LIN7A: variants seen among roughly 807,000 people sequenced by gnomAD.
LIN7A encodes lin-7 cell polarity scaffold A.
Under a neutral mutation model 29.8 loss-of-function variants are expected in LIN7A, and 25 were observed. The observed-to-expected ratio is 0.84, with a 90% CI of 0.61 to 1.17. LIN7A has a LOEUF of 1.17. Among genes scored for constraint, LIN7A ranks in the 50% most tolerant of loss-of-function variants. LIN7A has a pLI of 0.00. For missense variants in LIN7A, 239 were observed against 287.0 expected (o/e 0.83, Z 1.21); for synonymous variants, 118 against 107.5 (o/e 1.10, Z -0.60).
intron 1 of LIN7A, among the ~76,000 whole-genome samples, chr12:80,923,316 G>A (rs1052281936): frequency 3.3e-5 from 5 of 152,092 alleles, no homozygotes; most frequent in Non-Finnish European, 7.4e-5. Context: ...TGAGGGGCCT[G>A]TGGGTCTTCT....
chr12:80,862,493 T>C (rs892736550), intron 2 of LIN7A, among the ~76,000 whole-genome samples: 1 of 152,240 alleles, frequency 6.6e-6, no homozygotes, highest in African/African-American at 2.4e-5. Context: ...CATAACAGTT[T>C]TATGAATGTT....
intron 1 of LIN7A, among the ~76,000 whole-genome samples, chr12:80,917,334 T>A (rs918146653): frequency 1.7e-4 from 26 of 152,146 alleles, no homozygotes; most frequent in African/African-American, 6.0e-4. Context: ...GGGAAGCCAC[T>A]GAAGATTTGA....
At chr12:80,934,002 T>C (rs993428549) in intron 1 of LIN7A, among the ~76,000 whole-genome samples, 5 of 152,184 alleles carry the variant, frequency 3.3e-5, no homozygotes, top group Admixed American at 2.0e-4. Context: ...GTAAGTCTGG[T>C]GCACAATATT....
At chr12:80,869,854 C>T (rs998354338) in intron 2 of LIN7A, among the ~76,000 whole-genome samples, 1 of 151,664 alleles carries the variant, frequency 6.6e-6, no homozygotes, top group African/African-American at 2.4e-5. Flanking sequence ...CTGAACATGA[C>T]TTACCCTAAC....
intron 2 of LIN7A, among the ~76,000 whole-genome samples, chr12:80,868,819 C>T (rs1874277093): frequency 6.6e-6 from 1 of 152,102 alleles, no homozygotes; most frequent in Non-Finnish European, 1.5e-5. Context: ...CCAGTACTTG[C>T]CTCTGGGCTG....
chr12:80,816,372 C>A (rs1357256928), intron 4 of LIN7A, among the ~76,000 whole-genome samples: 1 of 151,376 alleles, frequency 6.6e-6, no homozygotes, highest in Non-Finnish European at 1.5e-5. Flanking sequence ...GTTTGTGTCA[C>A]TGCACTCTAG....
intron 1 of LIN7A, among the ~76,000 whole-genome samples, chr12:80,929,535 T>C (rs1395462457): frequency 1.3e-5 from 2 of 152,154 alleles, no homozygotes; most frequent in Non-Finnish European, 2.9e-5. Context: ...AATGCAATCA[T>C]CCACTTTATG....
rs1870453736 is a variant in LIN7A, at chr12:80,796,462, G to T, written c.*1265C>A. On this transcript the variant is annotated 3_prime_UTR_variant, in exon 6 of 6. Transcript: ENST00000552864. ...TATAACAGATTATTTTCCAGTGAAT[G>T]ATATTTTCTGAAAAATGATATCTCA... 6.6e-6 allele frequency: 1 copy of T among 152,050 alleles called. No individual in the cohort carries two copies. The highest frequency in any genetic ancestry group is 1.5e-5 in the Non-Finnish European group (1 of 67,994). 9.4% of individuals were successfully genotyped at this position (152,050 alleles called of 1,614,324 possible).
intron 1 of LIN7A, among the ~76,000 whole-genome samples, chr12:80,918,338 G>A (rs965504965): frequency 5.3e-5 from 8 of 151,914 alleles, no homozygotes; most frequent in Non-Finnish European, 2.9e-5. Flanking sequence ...ATGAGCCACC[G>A]TCCCTGGCCT....
At chr12:80,828,046 C>G (rs2121525915) in intron 4 of LIN7A, among the ~76,000 whole-genome samples, 1 of 152,076 alleles carries the variant, frequency 6.6e-6, no homozygotes, top group African/African-American at 2.4e-5. Flanking sequence ...CAGATTAAAT[C>G]TAAAATGAGA....
At chr12:80,835,143 G>C (rs530020038) in intron 4 of LIN7A, among the ~76,000 whole-genome samples, 2 of 152,234 alleles carry the variant, frequency 1.3e-5, no homozygotes, top group African/African-American at 4.8e-5. Flanking sequence ...ACAGAAGAAG[G>C]ACCATTACTT....
At chr12:80,898,443 T>C (rs1178772) in intron 1 of LIN7A, among the ~76,000 whole-genome samples, 103,418 of 152,054 alleles carry the variant, frequency 0.68, 39,140 homozygotes, top group Non-Finnish European at 0.87. Context: ...TTTTGTTTTG[T>C]TTAGCATTGC....
At chr12:80,912,070 A>C (rs966233292) in intron 1 of LIN7A, among the ~76,000 whole-genome samples, 2 of 152,192 alleles carry the variant, frequency 1.3e-5, no homozygotes, top group African/African-American at 4.8e-5. Flanking sequence ...TTATATGTGC[A>C]TCTCAGTGTC....
Position 80,797,195 on chromosome 12 carries a change from C to A in LIN7A, c.*532G>T, listed in dbSNP as rs745553079. ...AATATAAATATAGTATGATACCTTG[C>A]GATTTTCAAGAGGAAAACAGGTTGA... On this transcript the variant is annotated 3_prime_UTR_variant, in exon 6 of 6. Coordinates refer to ENST00000552864, the MANE Select transcript of LIN7A (RefSeq NM_004664.4). The A allele has an allele frequency of 3.9e-5, 6 of 152,056 alleles. No homozygotes were observed. Among genetic ancestry groups the A allele is most frequent in the Middle Eastern group, 3.2e-3 (1 of 316 alleles). 9.4% of individuals were successfully genotyped at this position (152,056 alleles called of 1,614,324 possible).
At chr12:80,893,606 A>G (rs772120195) in intron 1 of LIN7A, among the ~76,000 whole-genome samples, 4 of 152,224 alleles carry the variant, frequency 2.6e-5, no homozygotes, top group Non-Finnish European at 4.4e-5. Flanking sequence ...TTAAATCATT[A>G]ATTTGACACA....
At chr12:80,834,505 T>C (rs10862195) in intron 4 of LIN7A, among the ~76,000 whole-genome samples, 38,115 of 151,928 alleles carry the variant, frequency 0.25, 5,345 homozygotes, top group Non-Finnish European at 0.33. Flanking sequence ...TTTGTATCTA[T>C]GAGAGAAGAG....
chr12:80,902,526 T>C (rs1006741609), intron 1 of LIN7A, among the ~76,000 whole-genome samples: 1 of 152,166 alleles, frequency 6.6e-6, no homozygotes, highest in Non-Finnish European at 1.5e-5. Context: ...TAGTGCCATC[T>C]CTGATTTCTT....
rs188027362 is a variant in LIN7A, at chr12:80,811,813, C to A, written c.484-130G>T. On this transcript the variant is annotated intron_variant, in intron 4 of 5. Transcript: ENST00000552864. Reference sequence around the variant, plus strand: ...TAAGAAAACATGGCAAATGAGTTATCTTACCATCATCGTTATTATTTATTA... The same window carrying A: ...TAAGAAAACATGGCAAATGAGTTATATTACCATCATCGTTATTATTTATTA... 274 of 1,036,980 alleles carry A rather than the reference C, an allele frequency of 2.6e-4. No individual in the cohort carries two copies. The Middle Eastern group carries it at 3.1e-3, about 12-fold the overall frequency. 64.2% of individuals were successfully genotyped at this position (1,036,980 alleles called of 1,614,324 possible). A position where few individuals can be genotyped will look rare whatever the true frequency, so the allele number is the denominator to read the frequency against.
chr12:80,825,739 A>AT (rs60715514), intron 4 of LIN7A, among the ~76,000 whole-genome samples: 22,992 of 149,426 alleles, frequency 0.15, 1,998 homozygotes, highest in African/African-American at 0.24. Context: ...ATCAGAATAG[A>AT]TTTTTTTTTT....
Sources: gnomAD v4.1 joint callset for allele counts (sites outside exome capture counted in the v4.1 genomes callset) on GRCh38, gnomAD v4.1.1 for gene constraint, MANE v1.5 for transcripts, NCBI Gene and HGNC (gene_info 2026-07-23, HGNC 2026-07-21) for gene names.